TENM3: variants seen among roughly 807,000 people sequenced by gnomAD.
The protein encoded by TENM3 is teneurin-3.
TENM3 carries 63 observed loss-of-function variants against 255.1 expected under a neutral mutation model. The ratio of observed to expected loss-of-function variants is 0.25; its 90% CI spans 0.20 to 0.30. The LOEUF (loss-of-function observed/expected upper bound fraction) is 0.30. Ranked by LOEUF, TENM3 falls within the 10% of genes least tolerant of loss-of-function variation. The pLI, the probability that TENM3 is intolerant of heterozygous loss-of-function variation, is 1.00. For missense variants in TENM3, 2,929 were observed against 3,461.1 expected (o/e 0.85, Z 3.86); for synonymous variants, 1,306 against 1,322.3 (o/e 0.99, Z 0.27).
At chr4:181,779,172 G>A in the TENM3 span, among the ~76,000 whole-genome samples, 1 of 152,096 alleles carries the variant, frequency 6.6e-6, no homozygotes, top group African/African-American at 2.4e-5. Context: ...TGTTTTCACT[G>A]CCTCTAGCCA....
the TENM3 span, among the ~76,000 whole-genome samples, chr4:181,774,013 T>TG: frequency 6.9e-5 from 9 of 130,972 alleles, no homozygotes; most frequent in South Asian, 9.6e-4. Flanking sequence ...GTTTTTTTTT[T>TG]TTTTTTTTTT....
At chr4:182,143,301 G>C (rs1749613115), upstream of TENM3, 1 of 167,120 alleles carries the variant, frequency 6.0e-6, no homozygotes, top group African/African-American at 2.4e-5. The surrounding 1 kb of genome is among the most constrained non-coding windows in gnomAD (Gnocchi z 4.3). Flanking sequence ...CCAGGGGCTG[G>C]TAAGGAAGTC....
intron 3 of TENM3, among the ~76,000 whole-genome samples, chr4:182,458,790 TAAG>T (rs1774071482): frequency 6.6e-6 from 1 of 152,178 alleles, no homozygotes; most frequent in African/African-American, 2.4e-5. Flanking sequence ...GCCTAAGGAA[TAAG>T]AAGTGACAGC....
At chr4:182,637,609 A>G (rs1399368078) in intron 5 of TENM3, among the ~76,000 whole-genome samples, 2 of 152,366 alleles carry the variant, frequency 1.3e-5, no homozygotes, top group Admixed American at 1.3e-4. Flanking sequence ...CTGTCAGAAA[A>G]GGAACTGACC....
chr4:181,918,175 T>G, the TENM3 span, among the ~76,000 whole-genome samples: 2 of 152,188 alleles, frequency 1.3e-5, no homozygotes, highest in Non-Finnish European at 2.9e-5. Flanking sequence ...CTACATTTAA[T>G]TTTTCATTCA....
At chr4:182,149,754 CATA>C (rs1750211661) in intron 1 of TENM3, among the ~76,000 whole-genome samples, 1 of 151,930 alleles carries the variant, frequency 6.6e-6, no homozygotes, top group African/African-American at 2.4e-5. Context: ...TGAAATGTAG[CATA>C]ACACTAAACT....
the TENM3 span, among the ~76,000 whole-genome samples, chr4:181,571,208 C>T: frequency 6.6e-6 from 1 of 151,852 alleles, no homozygotes; most frequent in Non-Finnish European, 1.5e-5. Flanking sequence ...AAGCTGGAGG[C>T]GGGAAAGTAG....
intron 22 of TENM3, among the ~76,000 whole-genome samples, chr4:182,756,835 T>G (rs1421325986): frequency 6.6e-6 from 1 of 152,214 alleles, no homozygotes; most frequent in East Asian, 1.9e-4. Flanking sequence ...AATTCTGTTC[T>G]TAGCATTCCT....
intron 26 of TENM3, among the ~76,000 whole-genome samples, chr4:182,795,670 T>C (rs1766450846): frequency 6.6e-6 from 1 of 152,194 alleles, no homozygotes; most frequent in African/African-American, 2.4e-5. Flanking sequence ...TAAGGGGTGT[T>C]GACAGGGGCT....
At chr4:181,820,313 A>T in the TENM3 span, 1 of 152,208 alleles carries the variant, frequency 6.6e-6, no homozygotes, top group African/African-American at 2.4e-5. Context: ...GGTAAAACAG[A>T]TGAAAAAGAA....
At chr4:181,592,162 G>A in the TENM3 span, among the ~76,000 whole-genome samples, 2 of 151,492 alleles carry the variant, frequency 1.3e-5, no homozygotes, top group Admixed American at 1.3e-4. Flanking sequence ...TGGTTGCGTG[G>A]GTGCATACAT....
chr4:182,390,184 G>C (rs1431524740), intron 3 of TENM3, among the ~76,000 whole-genome samples: 1 of 152,130 alleles, frequency 6.6e-6, no homozygotes, highest in Admixed American at 6.5e-5. Flanking sequence ...AGTTCAGAGA[G>C]TTCTTCTTTT....
intron 1 of TENM3, among the ~76,000 whole-genome samples, chr4:182,196,947 G>A (rs959898695): frequency 6.6e-6 from 1 of 151,876 alleles, no homozygotes; most frequent in African/African-American, 2.4e-5. Context: ...TCATCTTCTC[G>A]GATGCCAAGG....
intron 3 of TENM3, among the ~76,000 whole-genome samples, chr4:182,534,454 A>G (rs993881796): frequency 2.6e-5 from 4 of 152,226 alleles, no homozygotes; most frequent in Admixed American, 1.3e-4. Context: ...AAGTAGAGAG[A>G]CATCAGGTTA....
intron 4 of TENM3, among the ~76,000 whole-genome samples, chr4:182,601,409 C>T (rs1747841488): frequency 6.6e-6 from 1 of 151,444 alleles, no homozygotes; most frequent in African/African-American, 2.4e-5. Context: ...GAAACTTTCC[C>T]TTACCACTGT....
chr4:182,603,784 T>TATATATATACACAC (rs58332965), intron 4 of TENM3, among the ~76,000 whole-genome samples: 26 of 134,164 alleles, frequency 1.9e-4, no homozygotes, highest in African/African-American at 6.9e-4. Flanking sequence ...TATATATATA[T>TATATATATACACAC]ACACACACAC....
the TENM3 span, among the ~76,000 whole-genome samples, chr4:181,951,447 TGTTGACAGAG>T: frequency 6.6e-6 from 1 of 152,224 alleles, no homozygotes; most frequent in Non-Finnish European, 1.5e-5. Flanking sequence ...ACATGTGACA[TGTTGACAGAG>T]GTTGACACTT....
At chr4:181,750,703 G>A in the TENM3 span, among the ~76,000 whole-genome samples, 29 of 152,094 alleles carry the variant, frequency 1.9e-4, no homozygotes, top group Admixed American at 6.6e-5. Context: ...AAGCAAAGAG[G>A]CCGCAACTTT....
intron 1 of TENM3, among the ~76,000 whole-genome samples, chr4:182,315,688 C>T (rs2675540): frequency 0.014 from 2,093 of 152,142 alleles, 24 homozygotes; most frequent in South Asian, 0.053. Context: ...TTTCTGTTCA[C>T]TTTTGTCTGT....
Sources: allele counts gnomAD v4.1 joint callset (sites outside exome capture counted in the v4.1 genomes callset), GRCh38; gene constraint gnomAD v4.1.1; non-coding constraint Gnocchi (gnomAD v3.1); transcripts MANE v1.5; gene names NCBI Gene and HGNC (gene_info 2026-07-23, HGNC 2026-07-21).